The following CDH12 variants were observed in gnomAD, a reference collection of about 807,000 sequenced individuals.
CDH12 encodes cadherin-12.
A neutral mutation model predicts 74.1 loss-of-function variants in CDH12; 41 were observed. The observed-to-expected ratio is 0.55, with a 90% CI of 0.43 to 0.72. CDH12 has a LOEUF of 0.72. CDH12 is among the 30% of genes least tolerant of loss of function. CDH12 has a pLI of 0.00. For missense variants in CDH12, 945 were observed against 977.2 expected, an observed-to-expected ratio of 0.97 and a Z score of 0.44; for synonymous variants, 399 against 355.0, an observed-to-expected ratio of 1.12 and a Z score of -1.39.
intron 7 of CDH12, among the ~76,000 whole-genome samples, chr5:21,851,720 T>C (rs1750477581): frequency 6.6e-6 from 1 of 151,380 alleles, no homozygotes; most frequent in Non-Finnish European, 1.5e-5. Flanking sequence ...GTTTATTTCA[T>C]GGAATAAATG....
chr5:22,694,727 GTC>G (rs1742258779), intron 1 of CDH12, among the ~76,000 whole-genome samples: 2 of 24,868 alleles, frequency 8.0e-5, no homozygotes, highest in African/African-American at 1.9e-4. Context: ...CCTTGTACAC[GTC>G]TTTCAATTTC....
At chr5:21,902,831 G>C (rs1753460845) in intron 6 of CDH12, among the ~76,000 whole-genome samples, 1 of 151,938 alleles carries the variant, frequency 6.6e-6, no homozygotes, top group Non-Finnish European at 1.5e-5. Flanking sequence ...TATTAGATAT[G>C]GGTAACAACA....
chr5:21,832,864 C>CATGAT lies in CDH12; in HGVS notation c.814+9296_814+9297insATCAT, dbSNP rs1561223817. Among the ~76,000 whole-genome samples the CATGAT allele has an allele frequency of 6.3e-3, 448 of 71,082 alleles. 4 individuals carry two copies. Among genetic ancestry groups the CATGAT allele is most frequent in the South Asian group, 0.013 (32 of 2,488 alleles). 46.6% of individuals were successfully genotyped at this position (71,082 alleles called of 152,430 possible). A position where few individuals can be genotyped will look rare whatever the true frequency, so the allele number is the denominator to read the frequency against. ...AAATCATATGATATATGATATATATCATATGATATATGATATAATATTAAT... is the reference window on the plus strand; with the variant it reads ...AAATCATATGATATATGATATATATCATGATATATGATATATGATATAATATTAAT... On this transcript the variant is annotated intron_variant, in intron 8 of 14. Coordinates refer to ENST00000382254, the MANE Select transcript of CDH12 (RefSeq NM_004061.5).
chr5:22,426,474 G>C (rs1156884062), intron 2 of CDH12, among the ~76,000 whole-genome samples: 3 of 151,856 alleles, frequency 2.0e-5, no homozygotes, highest in Admixed American at 2.0e-4. Flanking sequence ...GACTTCCCAT[G>C]AGACAAAATC....
chr5:22,007,858 T>C (rs1179684268), intron 5 of CDH12, among the ~76,000 whole-genome samples: 2 of 152,252 alleles, frequency 1.3e-5, no homozygotes. Context: ...TGTTATTTTG[T>C]GGCTTTCCTA....
chr5:21,979,439 A>T (rs966645743), intron 5 of CDH12, among the ~76,000 whole-genome samples: 1 of 152,188 alleles, frequency 6.6e-6, no homozygotes, highest in Non-Finnish European at 1.5e-5. Context: ...AAGAAGGCTT[A>T]AAAAAGATAC....
intron 5 of CDH12, among the ~76,000 whole-genome samples, chr5:22,077,600 T>C (rs1211018202): frequency 6.6e-6 from 1 of 152,098 alleles, no homozygotes; most frequent in Non-Finnish European, 1.5e-5. Flanking sequence ...TAAAAAGAAT[T>C]CACAAAATCA....
At chr5:22,586,922 C>G (rs911875644) in intron 1 of CDH12, among the ~76,000 whole-genome samples, 10 of 146,920 alleles carry the variant, frequency 6.8e-5, no homozygotes, top group African/African-American at 2.5e-4. Flanking sequence ...TCTCGGGTCA[C>G]TGCAACCTCC....
intron 1 of CDH12, among the ~76,000 whole-genome samples, chr5:22,703,283 C>T (rs1230501118): frequency 6.6e-6 from 1 of 152,118 alleles, no homozygotes; most frequent in South Asian, 2.1e-4. Flanking sequence ...CCACATCATG[C>T]TTATTTATCT....
intron 1 of CDH12, among the ~76,000 whole-genome samples, chr5:22,716,960 A>G (rs746355725): frequency 2.4e-4 from 37 of 152,210 alleles, no homozygotes; most frequent in Non-Finnish European, 2.4e-4. Context: ...TAGCTGTACA[A>G]TGTGTTTGTG....
chr5:22,040,557 G>C (rs1297843704), intron 5 of CDH12, among the ~76,000 whole-genome samples: 1 of 152,120 alleles, frequency 6.6e-6, no homozygotes, highest in African/African-American at 2.4e-5. Context: ...AAAGCAGCAC[G>C]AGAAAAGTGT....
intron 1 of CDH12, among the ~76,000 whole-genome samples, chr5:22,624,252 C>A (rs1738149329): frequency 6.6e-6 from 1 of 152,112 alleles, no homozygotes; most frequent in Admixed American, 6.5e-5. Flanking sequence ...TAGGCATGGG[C>A]AAGTATTTCA....
intron 1 of CDH12, among the ~76,000 whole-genome samples, chr5:22,608,626 GCT>G (rs768961223): frequency 4.6e-5 from 7 of 152,074 alleles, no homozygotes; most frequent in Non-Finnish European, 7.4e-5. Context: ...ATATGGTTTG[GCT>G]CTGTGTCCCC....
intron 2 of CDH12, among the ~76,000 whole-genome samples, chr5:22,462,887 T>A (rs1745577436): frequency 6.6e-6 from 1 of 152,216 alleles, no homozygotes; most frequent in Non-Finnish European, 1.5e-5. Flanking sequence ...AATTAGACAA[T>A]TAGCAAGGAG....
At chr5:22,593,527 T>A (rs1169014374) in intron 1 of CDH12, among the ~76,000 whole-genome samples, 1 of 152,234 alleles carries the variant, frequency 6.6e-6, no homozygotes, top group Non-Finnish European at 1.5e-5. Context: ...TCTGCTCTCA[T>A]TTATTTTCCT....
At chr5:21,903,663 G>T (rs757236157) in intron 6 of CDH12, among the ~76,000 whole-genome samples, 4 of 152,004 alleles carry the variant, frequency 2.6e-5, no homozygotes, top group Non-Finnish European at 4.4e-5. Context: ...CAACAGCCAG[G>T]TTTATATAAC....
intron 4 of CDH12, among the ~76,000 whole-genome samples, chr5:22,083,364 T>G (rs12519679): frequency 0.28 from 42,103 of 151,904 alleles, 6,250 homozygotes; most frequent in African/African-American, 0.39. Flanking sequence ...ATATTAGGAG[T>G]GTACTCATGT....
At chr5:21,794,429 C>T (rs531766508) in intron 10 of CDH12, among the ~76,000 whole-genome samples, 119 of 151,838 alleles carry the variant, frequency 7.8e-4, no homozygotes, top group Non-Finnish European at 1.2e-3. Context: ...GGGTCCTAAA[C>T]ACGCAGTATA....
chr5:22,235,215 A>T (rs1752520897), intron 3 of CDH12, among the ~76,000 whole-genome samples: 1 of 152,212 alleles, frequency 6.6e-6, no homozygotes, highest in Admixed American at 6.5e-5. Flanking sequence ...GTCGAAATAT[A>T]TCAGTACAAT....
Sources: allele counts gnomAD v4.1 joint callset (sites outside exome capture counted in the v4.1 genomes callset), GRCh38; gene constraint gnomAD v4.1.1; transcripts MANE v1.5; gene names NCBI Gene and HGNC (gene_info 2026-07-23, HGNC 2026-07-21).